Variants in DIAPH2 observed in about 807,000 individuals in gnomAD.
DIAPH2 encodes diaphanous related formin 2.
Under a neutral mutation model 92.7 loss-of-function variants are expected in DIAPH2, and 35 were observed. The ratio of observed to expected loss-of-function variants is 0.38; its 90% CI spans 0.29 to 0.50. The LOEUF is 0.50. DIAPH2 is among the 20% of genes least tolerant of loss of function. The pLI is 0.94. For missense variants in DIAPH2, 701 were observed against 819.5 expected (o/e 0.86, Z 1.77); for synonymous variants, 301 against 280.4 (o/e 1.07, Z -0.73).
intron 5 of DIAPH2, among the ~76,000 whole-genome samples, chrX:96,888,891 G>C (rs1217705571): frequency 9.2e-6 from 1 of 109,093 alleles, no homozygotes; most frequent in African/African-American, 3.3e-5. Context: ...TGTATCTCTC[G>C]AGAGCCTAGG....
intron 22 of DIAPH2, among the ~76,000 whole-genome samples, chrX:97,222,053 CAGCA>C (rs1231467461): frequency 9.0e-6 from 1 of 111,531 alleles, no homozygotes; most frequent in African/African-American, 3.3e-5. Context: ...TGTATTTCTA[CAGCA>C]AACTTCATCG....
chrX:97,411,411 A>G (rs928616159), intron 25 of DIAPH2, among the ~76,000 whole-genome samples: 1 of 112,217 alleles, frequency 8.9e-6, no homozygotes, highest in Non-Finnish European at 1.9e-5. Flanking sequence ...AGCACTAAGC[A>G]TGGAAAGGAA....
chrX:97,112,509 TCA>T (rs1186571576), intron 20 of DIAPH2, among the ~76,000 whole-genome samples: 3 of 109,948 alleles, frequency 2.7e-5, no homozygotes, highest in Non-Finnish European at 5.7e-5. Flanking sequence ...ATAGAGAAAC[TCA>T]GAGTGATTCC....
At chrX:96,927,588 G>T (rs1569428538) in intron 9 of DIAPH2, among the ~76,000 whole-genome samples, 1 of 111,290 alleles carries the variant, frequency 9.0e-6, no homozygotes, top group Non-Finnish European at 1.9e-5. Flanking sequence ...TGGAACAATG[G>T]CTAGTGAAAC....
intron 23 of DIAPH2, among the ~76,000 whole-genome samples, chrX:97,337,454 G>C (rs1404501106): frequency 9.0e-6 from 1 of 110,970 alleles, no homozygotes; most frequent in Non-Finnish European, 1.9e-5. Context: ...GAGATCTGAT[G>C]GTTTTATCAC....
intron 26 of DIAPH2, among the ~76,000 whole-genome samples, chrX:97,551,406 A>T (rs1363447698): frequency 9.1e-6 from 1 of 110,154 alleles, no homozygotes; most frequent in South Asian, 3.9e-4. Context: ...CCTGGCCAAC[A>T]TGGTGAAAAC....
intron 1 of DIAPH2, among the ~76,000 whole-genome samples, chrX:96,722,082 A>G (rs1049189236): frequency 1.9e-4 from 21 of 111,923 alleles, no homozygotes; most frequent in African/African-American, 6.5e-4. Flanking sequence ...TTGGCCGGGC[A>G]CAGTGGCTCA....
At position 96,719,462 on chromosome X, in the gene DIAPH2, A is replaced by G. The variant is rs181944341; in HGVS notation, c.133-16296A>G. Reference sequence around the variant, plus strand: ...GAATCCACTTTGATTTCATTTTTGTATATGGAGAGACACAGGGGTCTAGTT... The same window carrying G: ...GAATCCACTTTGATTTCATTTTTGTGTATGGAGAGACACAGGGGTCTAGTT... On this transcript the variant is annotated intron_variant, in intron 1 of 26. Transcript: ENST00000324765. Among the ~76,000 whole-genome samples, 5 of 112,351 alleles carry G rather than the reference A, an allele frequency of 4.5e-5. 1 individual carries two copies. The highest frequency in any genetic ancestry group is 1.6e-4 in the African/African-American group (5 of 30,968).
chrX:96,948,495 C>A (rs1467494355), intron 14 of DIAPH2, among the ~76,000 whole-genome samples: 2 of 111,766 alleles, frequency 1.8e-5, no homozygotes, highest in Non-Finnish European at 3.8e-5. Flanking sequence ...ATTGCTTGAA[C>A]CCAGGAGGTG....
At chrX:96,959,503 T>C (rs1193918013) in intron 16 of DIAPH2, among the ~76,000 whole-genome samples, 4 of 112,264 alleles carry the variant, frequency 3.6e-5, no homozygotes, top group Non-Finnish European at 5.6e-5. Flanking sequence ...TTTGGGTTTC[T>C]TGTATTTTTT....
chrX:97,075,366 A>G (rs1399175695), intron 19 of DIAPH2, 105 bp downstream of exon 19: 3 of 420,609 alleles, frequency 7.1e-6, no homozygotes, highest in Middle Eastern at 4.8e-4. Context: ...TTAGATTTTT[A>G]AAAAGACATT....
chrX:97,436,761 A>C (rs184153890), intron 26 of DIAPH2, among the ~76,000 whole-genome samples: 7 of 111,373 alleles, frequency 6.3e-5, no homozygotes, highest in African/African-American at 2.3e-4. Flanking sequence ...AGAAACAAGC[A>C]AACACCACCG....
chrX:96,956,200 T>C (rs1473624416), intron 15 of DIAPH2, among the ~76,000 whole-genome samples: 2 of 113,052 alleles, frequency 1.8e-5, no homozygotes, highest in East Asian at 5.6e-4. Flanking sequence ...TTGCCAAAGC[T>C]TGGGGCTTGC....
chrX:96,698,919 C>T (rs1001099389), intron 1 of DIAPH2, among the ~76,000 whole-genome samples: 1 of 106,874 alleles, frequency 9.4e-6, no homozygotes, highest in Admixed American at 1.0e-4. Flanking sequence ...TCAGTAGAGA[C>T]AGCATTTTGC....
At chrX:96,926,223 G>A (rs1486232034) in intron 9 of DIAPH2, among the ~76,000 whole-genome samples, 1 of 111,161 alleles carries the variant, frequency 9.0e-6, no homozygotes, top group East Asian at 2.8e-4. Flanking sequence ...TCAGTAAAAG[G>A]TTCTAGCATT....
intron 9 of DIAPH2, among the ~76,000 whole-genome samples, chrX:96,926,385 C>T (rs1365377688): frequency 9.0e-6 from 1 of 111,475 alleles, no homozygotes; most frequent in African/African-American, 3.3e-5. Context: ...CATTCACTTA[C>T]TATATTTTAA....
chrX:97,093,021 T>C (rs2066837211), intron 19 of DIAPH2, among the ~76,000 whole-genome samples: 1 of 96,359 alleles, frequency 1.0e-5, no homozygotes, highest in African/African-American at 3.4e-5. Flanking sequence ...CCTGTCACTA[T>C]AAAGAGTTTT....
chrX:97,254,270 TC>T (rs1317905864), intron 23 of DIAPH2, among the ~76,000 whole-genome samples: 1 of 110,997 alleles, frequency 9.0e-6, no homozygotes, highest in African/African-American at 3.3e-5. Context: ...GGTGGGTAGA[TC>T]ACCTGAGGTC....
chrX:97,524,151 G>A (rs1003997644), intron 26 of DIAPH2, among the ~76,000 whole-genome samples: 3 of 111,787 alleles, frequency 2.7e-5, no homozygotes, highest in African/African-American at 9.7e-5. Context: ...CCACTGAAAT[G>A]TAACCTCCAT....
Sources: allele counts gnomAD v4.1 joint callset (sites outside exome capture counted in the v4.1 genomes callset), GRCh38; gene constraint gnomAD v4.1.1; transcripts MANE v1.5; gene names NCBI Gene and HGNC (gene_info 2026-07-23, HGNC 2026-07-21).